The following CLVS1 variants were observed in gnomAD, a reference collection of about 807,000 sequenced individuals.
CLVS1 encodes the protein clavesin 1.
Under a neutral mutation model 33.1 loss-of-function variants are expected in CLVS1, and 10 were observed. The ratio of observed to expected loss-of-function variants is 0.30; its 90% confidence interval spans 0.19 to 0.51. The LOEUF (loss-of-function observed/expected upper bound fraction) is 0.51. CLVS1 is among the 20% of genes least tolerant of loss of function. The pLI, the probability that CLVS1 is intolerant of heterozygous loss-of-function variation, is 0.97. For synonymous variants in CLVS1, 163 were observed against 166.1 expected, an observed-to-expected ratio of 0.98 and a Z score of 0.14; for missense variants, 343 against 433.4, an observed-to-expected ratio of 0.79 and a Z score of 1.85.
chr8:61,109,646 C>T (rs1431518066), intron 1 of CLVS1, among the ~76,000 whole-genome samples: 2 of 152,118 alleles, frequency 1.3e-5, no homozygotes, highest in East Asian at 3.8e-4. Context: ...AACTTAATCC[C>T]CAAAGGGTCA....
chr8:61,256,288 G>T (rs771773010), intron 2 of CLVS1, among the ~76,000 whole-genome samples: 2 of 152,222 alleles, frequency 1.3e-5, no homozygotes, highest in Non-Finnish European at 2.9e-5. Flanking sequence ...GCCGAAGCGG[G>T]CAGATCACGA....
At position 61,150,101 on chromosome 8, in the gene CLVS1, G is replaced by GGT. The variant is rs10653874; in HGVS notation, c.-152+18267_-152+18268dup. Among the ~76,000 whole-genome samples, 250 of 146,538 alleles carry GGT rather than the reference G, an allele frequency of 1.7e-3. 1 individual carries two copies. The highest frequency in any genetic ancestry group is 7.1e-3 in the East Asian group (36 of 5,052). On this transcript the variant is annotated intron_variant, in intron 2 of 2. Coordinates refer to the CLVS1 transcript ENST00000522621. ...TGTTTCAGTTTTCTCATTTGAGAAA[G>GGT]GTGTGTGTGTGTGTGTGTGTGTGTG...
At chr8:61,138,658 TC>T (rs927227420) in intron 2 of CLVS1, among the ~76,000 whole-genome samples, 2 of 151,706 alleles carry the variant, frequency 1.3e-5, no homozygotes, top group Non-Finnish European at 2.9e-5. Context: ...GTCCAGTGGG[TC>T]CCCAGGAGTC....
chr8:61,245,016 C>A (rs1808777130), intron 2 of CLVS1, among the ~76,000 whole-genome samples: 1 of 151,936 alleles, frequency 6.6e-6, no homozygotes, highest in Non-Finnish European at 1.5e-5. Flanking sequence ...ATTTTTATAT[C>A]TTTCTGGTAT....
chr8:61,008,280 G>C, the CLVS1 span, among the ~76,000 whole-genome samples: 2 of 151,742 alleles, frequency 1.3e-5, no homozygotes, highest in Non-Finnish European at 2.9e-5. Flanking sequence ...CACTCATAAG[G>C]GAATACTAAA....
At chr8:61,489,688 G>A (rs1480173187) in intron 5 of CLVS1, among the ~76,000 whole-genome samples, 3 of 152,258 alleles carry the variant, frequency 2.0e-5, no homozygotes, top group African/African-American at 7.2e-5. Context: ...GTGGAGATAC[G>A]AAACACTCCT....
intron 2 of CLVS1, among the ~76,000 whole-genome samples, chr8:61,233,474 G>T (rs1808487514): frequency 1.5e-5 from 2 of 133,676 alleles, no homozygotes; most frequent in Admixed American, 8.1e-5. Context: ...GTAGCTTTTT[G>T]TAACATTTGG....
At chr8:61,361,347 G>A (rs1338751245) in intron 2 of CLVS1, among the ~76,000 whole-genome samples, 1 of 152,208 alleles carries the variant, frequency 6.6e-6, no homozygotes, top group African/African-American at 2.4e-5. Flanking sequence ...AATGTGTCCT[G>A]TAAGCATGGA....
intron 2 of CLVS1, among the ~76,000 whole-genome samples, chr8:61,170,080 CAT>C (rs1200730592): frequency 1.3e-5 from 2 of 152,232 alleles, no homozygotes; most frequent in East Asian, 1.9e-4. Context: ...TATATACACA[CAT>C]ATACACACAC....
Position 61,425,534 on chromosome 8 carries a change from C to A in CLVS1, c.631-28607C>A, listed in dbSNP as rs528985550. On this transcript the variant is annotated intron_variant, in intron 3 of 5. Coordinates refer to ENST00000325897, the MANE Select transcript of CLVS1 (RefSeq NM_173519.3). ...TTAGTGTATTCACAGAGTATTGCAACCATTACCACTATCTAATTCCAGAAT... is the reference window on the plus strand; with the variant it reads ...TTAGTGTATTCACAGAGTATTGCAAACATTACCACTATCTAATTCCAGAAT... Among the ~76,000 whole-genome samples the A allele has an allele frequency of 7.9e-5, 12 of 152,256 alleles. No individual in the cohort carries two copies. In the South Asian group the frequency reaches 1.9e-3, roughly 24 times the overall value.
At chr8:61,439,814 T>A (rs1046047157) in intron 3 of CLVS1, among the ~76,000 whole-genome samples, 2 of 152,200 alleles carry the variant, frequency 1.3e-5, no homozygotes, top group South Asian at 2.1e-4. Flanking sequence ...TGTGTTTTTT[T>A]AATAGAGATT....
At chr8:61,398,162 G>A (rs1585913490) in intron 3 of CLVS1, among the ~76,000 whole-genome samples, 1 of 140,456 alleles carries the variant, frequency 7.1e-6, no homozygotes, top group Admixed American at 7.0e-5. Flanking sequence ...GTTTTATACT[G>A]TTTGTTTTAT....
chr8:61,356,675 C>T (rs1483995626), intron 2 of CLVS1, among the ~76,000 whole-genome samples: 2 of 152,128 alleles, frequency 1.3e-5, no homozygotes, highest in Non-Finnish European at 2.9e-5. Flanking sequence ...ATAGGGAATC[C>T]TTTCCCCATT....
chr8:61,230,627 T>A (rs1353194734), intron 2 of CLVS1, among the ~76,000 whole-genome samples: 2 of 152,226 alleles, frequency 1.3e-5, no homozygotes, highest in African/African-American at 4.8e-5. Context: ...GTGTACTTTA[T>A]AATTTGCTGT....
At chr8:61,269,161 T>G (rs944197953) in intron 2 of CLVS1, among the ~76,000 whole-genome samples, 5 of 149,926 alleles carry the variant, frequency 3.3e-5, no homozygotes, top group African/African-American at 1.2e-4. Context: ...GTCTAACGTT[T>G]AAGTCTTTAA....
chr8:61,306,896 G>T (rs1289541718), intron 2 of CLVS1, among the ~76,000 whole-genome samples: 1 of 152,198 alleles, frequency 6.6e-6, no homozygotes. Flanking sequence ...ATACAGCTGA[G>T]AACCCTTAGC....
the CLVS1 span, among the ~76,000 whole-genome samples, chr8:61,004,701 G>A: frequency 6.6e-6 from 1 of 152,204 alleles, no homozygotes; most frequent in Non-Finnish European, 1.5e-5. Flanking sequence ...GGGCCTGGAG[G>A]AGCCGGCAGC....
intron 2 of CLVS1, chr8:61,273,963 C>T (rs148300208): frequency 0.016 from 2,477 of 159,494 alleles, 63 homozygotes; most frequent in South Asian, 0.093. Context: ...GCGTCGCTCA[C>T]GCTGGGAGCT....
intron 2 of CLVS1, among the ~76,000 whole-genome samples, chr8:61,253,847 T>C (rs1809006369): frequency 6.6e-6 from 1 of 152,226 alleles, no homozygotes; most frequent in Non-Finnish European, 1.5e-5. Context: ...GGTTTTAACC[T>C]CTTTGCCATG....
Sources: gnomAD v4.1 joint callset for allele counts (sites outside exome capture counted in the v4.1 genomes callset) on GRCh38, gnomAD v4.1.1 for gene constraint, MANE v1.5 for transcripts, NCBI Gene and HGNC (gene_info 2026-07-23, HGNC 2026-07-21) for gene names.